Variants in MCF2L observed in about 807,000 individuals in gnomAD.
The protein encoded by MCF2L is MCF.2 cell line derived transforming sequence like, also known as guanine nucleotide exchange factor DBS.
Under a neutral mutation model 153.4 loss-of-function variants are expected in MCF2L, and 97 were observed. That is an observed-to-expected ratio of 0.63 (90% CI 0.54 to 0.75). The LOEUF (loss-of-function observed/expected upper bound fraction) is 0.75. Ranked by LOEUF, MCF2L falls within the 30% of genes least tolerant of loss-of-function variation. MCF2L has a pLI of 0.00. For missense variants in MCF2L, 1,347 were observed against 1,495.2 expected (o/e 0.90, Z 1.64); for synonymous variants, 659 against 632.2 (o/e 1.04, Z -0.64).
chr13:112,915,237 A>G (rs146711617), intron 2 of MCF2L, among the ~76,000 whole-genome samples: 344 of 151,556 alleles, frequency 2.3e-3, no homozygotes, highest in African/African-American at 7.8e-3. Flanking sequence ...GTGAAATCCT[A>G]TCTCTACTAA....
chr13:113,060,999 T>C (rs901942709), intron 5 of MCF2L, among the ~76,000 whole-genome samples: 1 of 147,408 alleles, frequency 6.8e-6, no homozygotes, highest in Admixed American at 6.8e-5. Flanking sequence ...TCACGCGACA[T>C]TCATACCCCC....
chr13:113,086,449 C>T (rs1362672320), intron 21 of MCF2L, among the ~76,000 whole-genome samples, 200 bp downstream of exon 21: 3 of 152,058 alleles, frequency 2.0e-5, no homozygotes, highest in Non-Finnish European at 4.4e-5. Flanking sequence ...GGTCCACAGA[C>T]CCCACTGGGC....
intron 2 of MCF2L, among the ~76,000 whole-genome samples, chr13:112,911,997 T>C (rs2081237914): frequency 6.6e-6 from 1 of 152,166 alleles, no homozygotes; most frequent in Admixed American, 6.5e-5. Context: ...GAAAAAACAA[T>C]GTCTTCATTG....
intron 2 of MCF2L, among the ~76,000 whole-genome samples, chr13:112,914,575 G>T (rs552870626): frequency 6.6e-6 from 1 of 152,206 alleles, no homozygotes; most frequent in African/African-American, 2.4e-5. Flanking sequence ...TGTGAGCCAC[G>T]TGATCATGGG....
In MCF2L at chr13:113,028,656, A is replaced by C. The variant is rs76261379; in HGVS notation, c.278+3898A>C. On this transcript the variant is annotated intron_variant, in intron 3 of 29. Coordinates refer to ENST00000535094, the MANE Select transcript of MCF2L (RefSeq NM_001112732.3). The surrounding 1 kb of genome is among the most constrained non-coding windows in gnomAD (Gnocchi z 5.4). ...TCAGGTTTTCTGGTCACACTTAGAT[A>C]ATAAAAAGTGGAAGAGGCCTTTCTA... is the stretch of plus-strand genomic sequence containing the variant. 0.033 allele frequency among the ~76,000 whole-genome samples: 5,051 copies of C among 152,300 alleles called. 162 individuals carry two copies. Among genetic ancestry groups the C allele is most frequent in the African/African-American group, 0.086 (3,566 of 41,544 alleles).
upstream of MCF2L, chr13:112,968,783 T>C (rs895585409): frequency 5.2e-6 from 7 of 1,347,782 alleles, no homozygotes; most frequent in South Asian, 9.2e-5. Flanking sequence ...ACTCGCGGCT[T>C]CGCGGCTGCC....
chr13:112,917,845 G>A (rs1009188777), intron 2 of MCF2L, among the ~76,000 whole-genome samples: 1 of 152,148 alleles, frequency 6.6e-6, no homozygotes, highest in African/African-American at 2.4e-5. Context: ...AAGAAAGCTG[G>A]CTTCTAGACC....
intron 1 of MCF2L, among the ~76,000 whole-genome samples, chr13:112,982,915 C>T (rs946305645): frequency 1.3e-5 from 2 of 151,834 alleles, no homozygotes; most frequent in East Asian, 1.9e-4. Context: ...GAGGGGGTGT[C>T]GGTGGAAGAA....
intron 9 of MCF2L, among the ~76,000 whole-genome samples, chr13:113,071,586 C>G (rs1384646269): frequency 6.6e-6 from 1 of 152,046 alleles, no homozygotes; most frequent in Admixed American, 6.6e-5. Flanking sequence ...TTTGTTTTAC[C>G]TCTGGATGTC....
chr13:113,086,385 C>A, intron 21 of MCF2L, 136 bp downstream of exon 21: 1 of 1,244,584 alleles, frequency 8.0e-7, no homozygotes. Flanking sequence ...TGGGGTGGTC[C>A]CTAGATAAGC....
At chr13:113,057,384 A>C (rs1411986222) in intron 4 of MCF2L, among the ~76,000 whole-genome samples, 2 of 99,764 alleles carry the variant, frequency 2.0e-5, no homozygotes, top group Non-Finnish European at 4.0e-5. Flanking sequence ...TTGGGCACTG[A>C]GTGTTTGGGT....
At position 113,002,057 on chromosome 13, in the gene MCF2L, G is replaced by C. The variant is rs371327987; in HGVS notation, c.80-12706G>C. On this transcript the variant is annotated intron_variant, in intron 1 of 29. Transcript: ENST00000535094. Reference sequence around the variant, plus strand: ...GCGACAGTGCGGGGACGCCGGGCGGGGGTGGACGTTCTGGGCCCAGCCCTG... The same window carrying C: ...GCGACAGTGCGGGGACGCCGGGCGGCGGTGGACGTTCTGGGCCCAGCCCTG... The C allele has an allele frequency of 1.7e-3, 2,435 of 1,419,830 alleles. 63 individuals carry two copies. The South Asian group carries it at 0.033, about 19-fold the overall frequency. 88.0% of individuals were successfully genotyped at this position (1,419,830 alleles called of 1,614,324 possible).
intron 1 of MCF2L, among the ~76,000 whole-genome samples, chr13:113,012,718 C>T (rs1227747725): frequency 1.9e-5 from 2 of 106,322 alleles, no homozygotes; most frequent in African/African-American, 3.4e-5. Flanking sequence ...GTGGTGTGGA[C>T]GGTGGACAGG....
chr13:113,041,405 G>A (rs543934326), intron 3 of MCF2L, among the ~76,000 whole-genome samples: 44 of 152,332 alleles, frequency 2.9e-4, no homozygotes, highest in Middle Eastern at 6.8e-3. Context: ...GGGGGGCGGG[G>A]AATCACGTGG....
chr13:113,050,973 C>T (rs922606642), intron 4 of MCF2L, among the ~76,000 whole-genome samples: 2 of 151,920 alleles, frequency 1.3e-5, no homozygotes, highest in Non-Finnish European at 2.9e-5. Flanking sequence ...GAGGCGAGAC[C>T]GTCCCCCAGG....
intron 4 of MCF2L, among the ~76,000 whole-genome samples, chr13:113,048,517 T>G (rs996727561): frequency 1.8e-5 from 2 of 111,662 alleles, no homozygotes; most frequent in African/African-American, 2.9e-5. Context: ...CTCAGCTCAC[T>G]GCAAGCTCTG....
chr13:112,975,928 G>C (rs2993277), intron 1 of MCF2L, among the ~76,000 whole-genome samples: 433 of 15,036 alleles, frequency 0.029, 3 homozygotes, highest in African/African-American at 0.099. Context: ...CAAGCTCCTG[G>C]CCTCCCTCCC....
rs565652049 is a variant in MCF2L at position 113,091,207 on chromosome 13, C to T, written c.2953+1479C>T. 251 of 1,302,928 alleles carry T rather than the reference C, an allele frequency of 1.9e-4. 1 individual carries two copies. Among genetic ancestry groups the T allele is most frequent in the Admixed American group, 4.1e-4 (18 of 43,544 alleles). 80.7% of individuals were successfully genotyped at this position (1,302,928 alleles called of 1,614,324 possible). A position where few individuals can be genotyped will look rare whatever the true frequency, so the allele number is the denominator to read the frequency against. ...CTTTGGTGTGCGAGGTAGAGTGGCA[C>T]CCTCGGGCACGGCACCCACTCTGCG... is the stretch of plus-strand genomic sequence containing the variant. On this transcript the variant is annotated intron_variant, in intron 26 of 29. Coordinates refer to ENST00000535094, the MANE Select transcript of MCF2L (RefSeq NM_001112732.3).
intron 3 of MCF2L, among the ~76,000 whole-genome samples, chr13:113,030,605 G>A (rs3011511): frequency 0.34 from 49,832 of 148,606 alleles, 8,830 homozygotes; most frequent in East Asian, 0.65. Context: ...TCAGGTGTCC[G>A]CTGATGCAGG....
Sources: allele counts gnomAD v4.1 joint callset (sites outside exome capture counted in the v4.1 genomes callset), GRCh38; gene constraint gnomAD v4.1.1; non-coding constraint Gnocchi (gnomAD v3.1); transcripts MANE v1.5; gene names NCBI Gene and HGNC (gene_info 2026-07-23, HGNC 2026-07-21).